Variants in CTBP2 observed in about 807,000 individuals in gnomAD.
CTBP2 encodes C-terminal binding protein 2.
A neutral mutation model predicts 80.3 loss-of-function variants in CTBP2; 30 were observed. That is an observed-to-expected ratio of 0.37 (90% confidence interval 0.28 to 0.51). CTBP2 has a LOEUF of 0.51. Ranked by LOEUF, CTBP2 falls within the 20% of genes least tolerant of loss-of-function variation. The pLI, the probability that CTBP2 is intolerant of heterozygous loss-of-function variation, is 0.93. For missense variants in CTBP2, 1,212 were observed against 1,375.3 expected, an observed-to-expected ratio of 0.88 and a Z score of 1.88; for synonymous variants, 594 against 587.4, an observed-to-expected ratio of 1.01 and a Z score of -0.16.
At chr10:125,074,592 C>T (rs538860447) in intron 2 of CTBP2, among the ~76,000 whole-genome samples, 73 of 152,336 alleles carry the variant, frequency 4.8e-4, no homozygotes, top group Non-Finnish European at 8.1e-4. Context: ...GTGATCCGCC[C>T]GCCTCGGCCT....
chr10:124,986,745 A>G lies in CTBP2; in HGVS notation c.*2773T>C, dbSNP rs958799466. 1 of 152,150 alleles carries G rather than the reference A, an allele frequency of 6.6e-6. No individual in the cohort carries two copies. The highest frequency in any genetic ancestry group is 1.5e-5 in the Non-Finnish European group (1 of 68,030). The allele number at this position is 152,150 out of a possible 1,614,324, so 9.4% of individuals were successfully genotyped here. On this transcript the variant is annotated 3_prime_UTR_variant, in exon 9 of 9. Transcript: ENST00000309035. Reference sequence around the variant, plus strand: ...ACTTAGCATCTGTAGTAATTTCTCTATGTATAGGGATAATTTTTTAGTGGG... The same window carrying G: ...ACTTAGCATCTGTAGTAATTTCTCTGTGTATAGGGATAATTTTTTAGTGGG...
intron 1 of CTBP2, among the ~76,000 whole-genome samples, chr10:125,141,811 A>G (rs1857876360): frequency 6.6e-6 from 1 of 152,194 alleles, no homozygotes; most frequent in African/African-American, 2.4e-5. Flanking sequence ...GCAAGTACAC[A>G]GTGAGCACGC....
chr10:124,994,639 A>G lies in CTBP2; in HGVS notation c.2230T>C (p.Phe744Leu), dbSNP rs1397604707. ...TAGGGGTCATAAAATATGACGCTGAATCCAAAGGCCTTGGCTCGAACTGCA... is the reference window on the plus strand; with the variant it reads ...TAGGGGTCATAAAATATGACGCTGAGTCCAAAGGCCTTGGCTCGAACTGCA... The change falls in exon 5 of 9, where the codon TTC (phenylalanine) becomes CTC (leucine). Residue 744 changes from phenylalanine (F) to leucine (L), a missense_variant. By Grantham distance (22) the Phe-to-Leu change is conservative. This residue lies in a region of CTBP2 where 335 missense variants were observed against 504.7 expected (regional missense o/e 0.66). Coordinates refer to ENST00000309035, the MANE Select transcript of CTBP2 (RefSeq NM_022802.3). 1 of 1,614,042 alleles carries G rather than the reference A, an allele frequency of 6.2e-7. No homozygotes were observed. The highest frequency in any genetic ancestry group is 2.2e-5 in the East Asian group (1 of 44,888).
At chr10:125,123,020 A>T (rs1183625252) in intron 1 of CTBP2, among the ~76,000 whole-genome samples, 2 of 152,210 alleles carry the variant, frequency 1.3e-5, no homozygotes, top group African/African-American at 4.8e-5. Flanking sequence ...ACATTCTTAA[A>T]TGACACTGGA....
Position 124,984,749 on chromosome 10 carries a change from C to T in CTBP2, c.*4769G>A. ...TCTCTGATCTGTTGTATGATTTTCC[C>T]TTTGTCTTCATATTCCTCCAAAAGC... On this transcript the variant is annotated 3_prime_UTR_variant, in exon 9 of 9. Transcript: ENST00000309035. 2 of 1,606,894 alleles carry T rather than the reference C, an allele frequency of 1.2e-6. No homozygotes were observed. The highest frequency in any genetic ancestry group is 1.7e-6 in the Non-Finnish European group (2 of 1,175,526).
chr10:125,065,189 G>A (rs1460347135), intron 2 of CTBP2, among the ~76,000 whole-genome samples: 2 of 152,142 alleles, frequency 1.3e-5, no homozygotes, highest in Admixed American at 6.5e-5. Flanking sequence ...CTTTGACTGG[G>A]CTCTTCAGGT....
At chr10:125,029,048 T>C (rs2363892), upstream of CTBP2, among the ~76,000 whole-genome samples, 143,454 of 152,230 alleles carry the variant, frequency 0.94, 67,839 homozygotes, top group Non-Finnish European at 0.98. Context: ...AAAGAATTCA[T>C]AGCAAAAATA....
rs943664697 is a variant in CTBP2, at chr10:125,142,182, C to G, written c.-206+18137G>C. The stretch of plus-strand genomic sequence containing the variant: ...GGTGGTTATCTGCTGGTTTCAGACA[C>G]GACTCAAGACTGCAGTGACTGGCTT... On this transcript the variant is annotated intron_variant, in intron 1 of 10. Coordinates refer to the CTBP2 transcript ENST00000337195. 3.0e-4 allele frequency among the ~76,000 whole-genome samples: 45 copies of G among 152,148 alleles called. 1 individual carries two copies. Among genetic ancestry groups the G allele is most frequent in the Non-Finnish European group, 2.9e-5 (2 of 68,014 alleles).
In CTBP2 at chr10:125,005,635, G is replaced by A. The variant is rs369428259; in HGVS notation, c.1679-2143C>T. 25 of 1,612,778 alleles carry A rather than the reference G, an allele frequency of 1.6e-5. No individual in the cohort carries two copies. In the African/African-American group the frequency reaches 2.0e-4, roughly 13 times the overall value. On this transcript the variant is annotated intron_variant, in intron 1 of 8. Transcript: ENST00000309035. ...CATCCGCGAGATCCGCAACAGCACC[G>A]TCACCTGACGAGGAACCCGACACAC... is the stretch of plus-strand genomic sequence containing the variant.
chr10:125,059,282 T>C (rs1964529975), intron 2 of CTBP2, among the ~76,000 whole-genome samples: 1 of 152,034 alleles, frequency 6.6e-6, no homozygotes, highest in Non-Finnish European at 1.5e-5. Flanking sequence ...CAATTTCACT[T>C]CAGAAATGTG....
intron 4 of CTBP2, chr10:124,996,741 C>T (rs1589941861): frequency 2.6e-5 from 4 of 152,314 alleles, no homozygotes. Context: ...CCACCGAGGC[C>T]CCAGGAGGGG....
Position 125,028,041 on chromosome 10 carries a change from T to A in CTBP2, c.-282A>T. ...CCCGGAGAGGAGGCTGTCCCCAGCC[T>A]GCCAGGTCCCCCTTCCTGGCTGGTG... On this transcript the variant is annotated 5_prime_UTR_variant, in exon 1 of 9. Coordinates refer to ENST00000309035, the MANE Select transcript of CTBP2 (RefSeq NM_022802.3). The A allele has an allele frequency of 1.5e-6, 1 of 669,384 alleles. No homozygotes were observed. The highest frequency in any genetic ancestry group is 2.1e-6 in the Non-Finnish European group (1 of 480,762). The allele number at this position is 669,384 out of a possible 1,614,324, so 41.5% of individuals were successfully genotyped here. A position where few individuals can be genotyped will look rare whatever the true frequency, so the allele number is the denominator to read the frequency against.
intron 2 of CTBP2, among the ~76,000 whole-genome samples, chr10:125,073,359 T>G (rs1441360745): frequency 6.6e-6 from 1 of 152,210 alleles, no homozygotes; most frequent in East Asian, 1.9e-4. Flanking sequence ...TTCTCCTGCC[T>G]CAGGCTCCTG....
chr10:125,055,788 G>C (rs1356953923), intron 2 of CTBP2, among the ~76,000 whole-genome samples: 1 of 152,230 alleles, frequency 6.6e-6, no homozygotes, highest in Non-Finnish European at 1.5e-5. Flanking sequence ...ACTGTTGGCA[G>C]GGGAGTCCCT....
intron 2 of CTBP2, among the ~76,000 whole-genome samples, chr10:125,041,510 C>G (rs3107972): frequency 7.1e-5 from 4 of 56,524 alleles, no homozygotes; most frequent in Admixed American, 2.0e-4. Flanking sequence ...CCCCACCCCC[C>G]CCCCCCCCAC....
chr10:125,015,110 G>A (rs932695974), intron 1 of CTBP2, among the ~76,000 whole-genome samples: 7 of 152,132 alleles, frequency 4.6e-5, no homozygotes, highest in Non-Finnish European at 1.0e-4. Flanking sequence ...ACCGGAGCCC[G>A]AGGGAGCTTC....
At chr10:125,075,140 C>T (rs187073813) in intron 2 of CTBP2, among the ~76,000 whole-genome samples, 1 of 152,208 alleles carries the variant, frequency 6.6e-6, no homozygotes, top group African/African-American at 2.4e-5. Flanking sequence ...AGCTTCTGCT[C>T]ATCAAAAAGA....
At chr10:125,073,540 T>C (rs1278329592) in intron 2 of CTBP2, among the ~76,000 whole-genome samples, 1 of 152,236 alleles carries the variant, frequency 6.6e-6, no homozygotes, top group Non-Finnish European at 1.5e-5. Flanking sequence ...CATGCATGGC[T>C]GGTTTCTGCA....
Position 124,985,092 on chromosome 10 carries a change from A to C in CTBP2, c.*4426T>G, listed in dbSNP as rs906730140. 6 of 928,800 alleles carry C rather than the reference A, an allele frequency of 6.5e-6. No individual in the cohort carries two copies. Among genetic ancestry groups the C allele is most frequent in the Non-Finnish European group, 9.8e-6 (6 of 609,186 alleles). 57.5% of individuals were successfully genotyped at this position (928,800 alleles called of 1,614,324 possible). Reference sequence around the variant, plus strand: ...AGAGTCGACATCATGGAATGAACCAAATCTGGCAGGATCTGCTCGGGGAAG... The same window carrying C: ...AGAGTCGACATCATGGAATGAACCACATCTGGCAGGATCTGCTCGGGGAAG... On this transcript the variant is annotated 3_prime_UTR_variant, in exon 9 of 9. Transcript: ENST00000309035.
Sources: gnomAD v4.1 joint callset for allele counts (sites outside exome capture counted in the v4.1 genomes callset) on GRCh38, gnomAD v4.1.1 for gene constraint, gnomAD v4.1.1 regional missense constraint, MANE v1.5 for transcripts, NCBI Gene and HGNC (gene_info 2026-07-23, HGNC 2026-07-21) for gene names.